Variants in SLC9C1 observed in about 807,000 individuals in gnomAD.
The protein encoded by SLC9C1 is sodium/hydrogen exchanger 10.
A neutral mutation model predicts 140.9 loss-of-function variants in SLC9C1; 97 were observed. The observed-to-expected ratio is 0.69, with a 90% CI of 0.58 to 0.82. SLC9C1 has a LOEUF of 0.82. Ranked by LOEUF, SLC9C1 falls within the 40% of genes least tolerant of loss-of-function variation. SLC9C1 has a pLI of 0.00. For missense variants in SLC9C1, 1,340 were observed against 1,389.3 expected, an observed-to-expected ratio of 0.96 and a Z score of 0.56; for synonymous variants, 440 against 442.6, an observed-to-expected ratio of 0.99 and a Z score of 0.07.
At chr3:112,286,499 A>G (rs7631673) in intron 2 of SLC9C1, among the ~76,000 whole-genome samples, 105,378 of 152,060 alleles carry the variant, frequency 0.69, 36,946 homozygotes, top group East Asian at 1. Context: ...ACCCAATAGG[A>G]TGAATGTTAT....
chr3:112,293,581 T>G (rs868526743), intron 1 of SLC9C1, among the ~76,000 whole-genome samples: 9 of 152,208 alleles, frequency 5.9e-5, no homozygotes, highest in African/African-American at 2.2e-4. Context: ...TAATGGTTTA[T>G]TTTATATTGA....
chr3:112,249,622 C>T (rs944499245), intron 10 of SLC9C1, among the ~76,000 whole-genome samples: 1 of 152,014 alleles, frequency 6.6e-6, no homozygotes, highest in East Asian at 1.9e-4. Flanking sequence ...TTTTGGAACT[C>T]GTTATTGGTC....
chr3:112,186,216 A>G (rs2077536770), intron 20 of SLC9C1, among the ~76,000 whole-genome samples: 1 of 151,346 alleles, frequency 6.6e-6, no homozygotes, highest in South Asian at 2.1e-4. Context: ...ATGAAGAAAA[A>G]TTCTTAATTT....
chr3:112,281,247 C>G (rs2080349435), intron 2 of SLC9C1, among the ~76,000 whole-genome samples: 2 of 152,192 alleles, frequency 1.3e-5, no homozygotes, highest in Admixed American at 6.6e-5. Context: ...CCTGTTTTCA[C>G]TAATTCTGGC....
Position 112,280,782 on chromosome 3 carries a change from T to C in SLC9C1, c.90A>G (p.Ala30=), listed in dbSNP as rs747981103. Residue 30 remains alanine (A), a splice_region_variant and synonymous_variant, in exon 3 of 29, where the codon GCA becomes GCG. Transcript: ENST00000305815. ...AGTCTTCCAAGTGCCGGTTCAAAAA[T>C]GCTGCAAAAAATATGTTGTTACTGA... is the stretch of plus-strand genomic sequence containing the variant. ...LTLSLISSIG[A]FLNRHLEDFP... 16 of 1,608,390 alleles carry C rather than the reference T, an allele frequency of 9.9e-6. No homozygotes were observed. Among genetic ancestry groups the C allele is most frequent in the Non-Finnish European group, 1.4e-5 (16 of 1,178,600 alleles).
chr3:112,198,820 T>C (rs551933498), intron 20 of SLC9C1, among the ~76,000 whole-genome samples: 1 of 152,070 alleles, frequency 6.6e-6, no homozygotes, highest in African/African-American at 2.4e-5. Context: ...GTTTATGCTT[T>C]TTTTTTCTTA....
chr3:112,187,602 G>T (rs1411853766), intron 20 of SLC9C1, among the ~76,000 whole-genome samples: 1 of 152,112 alleles, frequency 6.6e-6, no homozygotes, highest in Non-Finnish European at 1.5e-5. Context: ...TGGGGGACTT[G>T]AGAAACCAGT....
intron 26 of SLC9C1, among the ~76,000 whole-genome samples, chr3:112,158,897 G>T (rs1362326302): frequency 2.0e-5 from 3 of 151,068 alleles, no homozygotes; most frequent in Admixed American, 2.0e-4. Context: ...TATTGATCTG[G>T]GGTTTATCTC....
At chr3:112,170,782 C>T (rs2077231043) in intron 23 of SLC9C1, among the ~76,000 whole-genome samples, 1 of 152,118 alleles carries the variant, frequency 6.6e-6, no homozygotes, top group Non-Finnish European at 1.5e-5. Context: ...GGGTCAGTAT[C>T]TTTTTTTGTG....
At chr3:112,292,495 A>G (rs1185469212) in intron 1 of SLC9C1, among the ~76,000 whole-genome samples, 2 of 152,206 alleles carry the variant, frequency 1.3e-5, no homozygotes, top group Non-Finnish European at 2.9e-5. Context: ...ACTGTAGCTT[A>G]ATATGTTAAA....
chr3:112,169,139 T>C lies in SLC9C1; in HGVS notation c.3051+58A>G. 2.5e-6 allele frequency: 4 copies of C among 1,585,150 alleles called. No individual in the cohort carries two copies. In the South Asian group the frequency reaches 4.6e-5, roughly 18 times the overall value. ...TATATTCATAAATAGTCAATTATAA[T>C]GTTTTAATGCCATTCCATTCAAAGA... is the stretch of plus-strand genomic sequence containing the variant. On this transcript the variant is annotated intron_variant, in intron 24 of 28. Coordinates refer to ENST00000305815, the MANE Select transcript of SLC9C1 (RefSeq NM_183061.3).
chr3:112,209,703 C>T (rs1421493557), intron 15 of SLC9C1, among the ~76,000 whole-genome samples: 1 of 152,036 alleles, frequency 6.6e-6, no homozygotes, highest in Non-Finnish European at 1.5e-5. Flanking sequence ...CTAGAAAGTA[C>T]TGATCTGAAA....
rs931482885 is a variant in SLC9C1 at position 112,274,950 on chromosome 3, G to C, written c.560C>G (p.Thr187Ser). 1.3e-6 allele frequency: 2 copies of C among 1,575,548 alleles called. No individual in the cohort carries two copies. Among genetic ancestry groups the C allele is most frequent in the Non-Finnish European group, 1.7e-6 (2 of 1,167,836 alleles). Residue 187 changes from threonine to serine, a missense_variant, in exon 6 of 29, where the codon ACT becomes AGT. Transcript: ENST00000305815. ...TCTTTGGTCAAAATCCATAATACTA[G>C]TAAATGTAATTAATGATATAACAGA... The part of the protein sequence containing the change: ...MTSVISLITF[T>S]SIMDFDQRLQ...
intron 7 of SLC9C1, among the ~76,000 whole-genome samples, chr3:112,267,134 C>T (rs2079939830): frequency 6.6e-6 from 1 of 152,048 alleles, no homozygotes; most frequent in Non-Finnish European, 1.5e-5. Context: ...TAAAAATTGG[C>T]TTGGCTTGCT....
Position 112,211,224 on chromosome 3 carries a change from G to A in SLC9C1, c.1791-2851C>T, listed in dbSNP as rs560571338. Among the ~76,000 whole-genome samples the A allele has an allele frequency of 8.5e-5, 13 of 152,176 alleles. No individual in the cohort carries two copies. The South Asian group carries it at 2.5e-3, about 29-fold the overall frequency. ...TATTTTGCAAAATATTCAGGATAGG[G>A]GGCAGTTCCAAGATAGCCGAATAGG... On this transcript the variant is annotated intron_variant, in intron 15 of 28. Coordinates refer to ENST00000305815, the MANE Select transcript of SLC9C1 (RefSeq NM_183061.3).
intron 6 of SLC9C1, among the ~76,000 whole-genome samples, chr3:112,272,460 A>G (rs989632667): frequency 5.3e-5 from 8 of 151,768 alleles, no homozygotes; most frequent in Non-Finnish European, 1.0e-4. Context: ...CAGATTAGTA[A>G]CACTGTTTAA....
At chr3:112,275,090 AG>A in intron 5 of SLC9C1, 65 bp from the exon 6 acceptor site, 1 of 1,467,910 alleles carries the variant, frequency 6.8e-7, no homozygotes, top group Non-Finnish European at 9.0e-7. Context: ...TAAATGTTAA[AG>A]AATACAATTT....
chr3:112,252,334 G>A (rs2079484640), intron 10 of SLC9C1, among the ~76,000 whole-genome samples: 1 of 151,770 alleles, frequency 6.6e-6, no homozygotes, highest in Non-Finnish European at 1.5e-5. Flanking sequence ...CACAGTCTAT[G>A]ACCACCCCCA....
chr3:112,196,243 C>T (rs1195480205), intron 20 of SLC9C1, among the ~76,000 whole-genome samples: 1 of 151,166 alleles, frequency 6.6e-6, no homozygotes, highest in African/African-American at 2.4e-5. Context: ...TCCAAGTTTT[C>T]GGGTAAGAAA....
Sources: gnomAD v4.1 joint callset for allele counts (sites outside exome capture counted in the v4.1 genomes callset) on GRCh38, gnomAD v4.1.1 for gene constraint, MANE v1.5 for transcripts, NCBI Gene and HGNC (gene_info 2026-07-23, HGNC 2026-07-21) for gene names.